Variants in METTL15 observed in about 807,000 individuals in gnomAD.
METTL15 encodes 12S rRNA N(4)-cytidine methyltransferase METTL15.
METTL15 carries 34 observed loss-of-function variants against 38.3 expected under a neutral mutation model. That is an observed-to-expected ratio of 0.89 (90% CI 0.68 to 1.18). The LOEUF is 1.18. METTL15 is among the 50% of genes most tolerant of loss of function. The probability of loss-of-function intolerance (pLI) is 0.00; values close to 1 mark genes in which losing one functional copy is unlikely to be tolerated. For synonymous variants in METTL15, 162 were observed against 170.9 expected (o/e 0.95, Z 0.41); for missense variants, 438 against 498.4 (o/e 0.88, Z 1.15).
At chr11:28,215,519 T>C (rs1852827021) in intron 4 of METTL15, among the ~76,000 whole-genome samples, 1 of 152,080 alleles carries the variant, frequency 6.6e-6, no homozygotes, top group South Asian at 2.1e-4. Context: ...AGGCCTTCAC[T>C]TGGGGCTATT....
At chr11:28,529,713 G>A (rs1851833607), downstream of METTL15, among the ~76,000 whole-genome samples, 1 of 151,736 alleles carries the variant, frequency 6.6e-6, no homozygotes, top group Non-Finnish European at 1.5e-5. Flanking sequence ...TAGTCCTGGG[G>A]GTTCTTTCAT....
At chr11:28,515,416 C>T (rs1851711634) in intron 6 of METTL15, among the ~76,000 whole-genome samples, 1 of 152,160 alleles carries the variant, frequency 6.6e-6, no homozygotes, top group African/African-American at 2.4e-5. Flanking sequence ...ACAGGCAATC[C>T]TGATCTGTGT....
rs998208562 is a variant in METTL15 at position 28,119,583 on chromosome 11, G to A, written c.270+5979G>A. 3.3e-5 allele frequency among the ~76,000 whole-genome samples: 5 copies of A among 152,246 alleles called. No homozygotes were observed. In the South Asian group the frequency reaches 1.0e-3, roughly 32 times the overall value. ...ATGACAAATAGTTTAAATTTGCTAG[G>A]TTCGGTTATAAATATTTCAAAGTAA... On this transcript the variant is annotated intron_variant, in intron 3 of 6. Coordinates refer to ENST00000407364, the MANE Select transcript of METTL15 (RefSeq NM_001113528.2).
chr11:28,451,163 C>T (rs10767725), intron 6 of METTL15, among the ~76,000 whole-genome samples: 64,644 of 151,978 alleles, frequency 0.43, 15,082 homozygotes, highest in Admixed American at 0.54. Context: ...AAAAAACTTA[C>T]GGGAAGAGCG....
chr11:28,254,455 T>C (rs531616391), intron 4 of METTL15, among the ~76,000 whole-genome samples: 1 of 152,358 alleles, frequency 6.6e-6, no homozygotes, highest in East Asian at 1.9e-4. Flanking sequence ...TTATTGATTG[T>C]ATACTTTGCT....
At chr11:28,224,634 A>T (rs1374466383) in intron 4 of METTL15, among the ~76,000 whole-genome samples, 2 of 151,768 alleles carry the variant, frequency 1.3e-5, no homozygotes, top group African/African-American at 4.8e-5. Flanking sequence ...TTGTTTTAAA[A>T]CACACGATTT....
At chr11:28,343,048 C>T (rs774315134) in intron 3 of METTL15, among the ~76,000 whole-genome samples, 5 of 152,128 alleles carry the variant, frequency 3.3e-5, no homozygotes, top group Non-Finnish European at 7.4e-5. Flanking sequence ...TTCTGCTTTT[C>T]TCTTTTGGAT....
At chr11:28,393,524 C>A (rs561541234) in intron 5 of METTL15, among the ~76,000 whole-genome samples, 1 of 151,942 alleles carries the variant, frequency 6.6e-6, no homozygotes, top group African/African-American at 2.4e-5. Flanking sequence ...GCTGGCTGGA[C>A]GATCTAGCTT....
At chr11:28,494,204 G>A (rs1230884254) in intron 6 of METTL15, among the ~76,000 whole-genome samples, 2 of 152,130 alleles carry the variant, frequency 1.3e-5, no homozygotes, top group African/African-American at 4.8e-5. Flanking sequence ...TGCTTCAGGG[G>A]CACCCACAGA....
intron 6 of METTL15, among the ~76,000 whole-genome samples, chr11:28,469,549 A>G (rs979117691): frequency 6.6e-6 from 1 of 152,142 alleles, no homozygotes. Context: ...CTACTGGAAT[A>G]CTGGTTGTGT....
At chr11:28,260,159 C>T (rs1855142697) in intron 4 of METTL15, among the ~76,000 whole-genome samples, 1 of 152,214 alleles carries the variant, frequency 6.6e-6, no homozygotes, top group Admixed American at 6.5e-5. Context: ...GTGTTCCAAA[C>T]ATACTGTCCT....
chr11:28,276,888 T>A (rs911591324), intron 4 of METTL15, among the ~76,000 whole-genome samples: 4 of 152,170 alleles, frequency 2.6e-5, no homozygotes, highest in African/African-American at 9.7e-5. Flanking sequence ...ACTGGACCTC[T>A]ATCTCTCTTC....
At chr11:28,518,567 G>T (rs986322268) in intron 6 of METTL15, among the ~76,000 whole-genome samples, 4 of 152,160 alleles carry the variant, frequency 2.6e-5, no homozygotes, top group Non-Finnish European at 5.9e-5. Flanking sequence ...TTACAGCAAG[G>T]GTCTTCAGAA....
chr11:28,467,568 C>G (rs1851267522), intron 6 of METTL15, among the ~76,000 whole-genome samples: 1 of 152,166 alleles, frequency 6.6e-6, no homozygotes, highest in African/African-American at 2.4e-5. Context: ...CCTTGCATCT[C>G]TCTCCTACAG....
At chr11:28,229,887 T>G (rs1279771315) in intron 4 of METTL15, among the ~76,000 whole-genome samples, 1 of 152,012 alleles carries the variant, frequency 6.6e-6, no homozygotes, top group East Asian at 1.9e-4. Context: ...TTCCATCACT[T>G]CTTGGCTTTA....
At chr11:28,320,875 T>C (rs1214645623) in intron 6 of METTL15, among the ~76,000 whole-genome samples, 1 of 152,146 alleles carries the variant, frequency 6.6e-6, no homozygotes, top group Non-Finnish European at 1.5e-5. Flanking sequence ...ATTGTAAGTC[T>C]CTATACTTTT....
chr11:28,464,543 G>A (rs1475996238), intron 6 of METTL15, among the ~76,000 whole-genome samples: 2 of 152,296 alleles, frequency 1.3e-5, no homozygotes, highest in East Asian at 1.9e-4. Flanking sequence ...TTCACTTGTG[G>A]TCATCTCTGT....
intron 4 of METTL15, chr11:28,261,121 A>G (rs1473337991): frequency 1.3e-5 from 2 of 152,216 alleles, no homozygotes; most frequent in African/African-American, 4.8e-5. Flanking sequence ...TAATATCTGA[A>G]GATTCCGTGA....
chr11:28,507,585 C>G (rs1470502923), intron 6 of METTL15, among the ~76,000 whole-genome samples: 1 of 152,158 alleles, frequency 6.6e-6, no homozygotes, highest in Non-Finnish European at 1.5e-5. Flanking sequence ...CAACGGACTT[C>G]TTAAACTTAA....
Sources: allele counts gnomAD v4.1 joint callset (sites outside exome capture counted in the v4.1 genomes callset), GRCh38; gene constraint gnomAD v4.1.1; transcripts MANE v1.5; gene names NCBI Gene and HGNC (gene_info 2026-07-23, HGNC 2026-07-21).